The following URI1 variants were observed in gnomAD, a reference collection of about 807,000 sequenced individuals.
URI1 encodes the protein unconventional prefoldin RPB5 interactor 1.
Under a neutral mutation model 60.2 loss-of-function variants are expected in URI1, and 39 were observed. The observed-to-expected ratio is 0.65, with a 90% CI of 0.50 to 0.85. The LOEUF is 0.85. Ranked by LOEUF, URI1 falls within the 40% of genes least tolerant of loss-of-function variation. The probability of loss-of-function intolerance (pLI) is 0.00; values close to 1 mark genes in which losing one functional copy is unlikely to be tolerated. For synonymous variants in URI1, 251 were observed against 236.8 expected (o/e 1.06, Z -0.55); for missense variants, 691 against 665.9 (o/e 1.04, Z -0.42).
At chr19:29,954,838 C>G (rs1288947814) in intron 1 of URI1, among the ~76,000 whole-genome samples, 2 of 151,950 alleles carry the variant, frequency 1.3e-5, no homozygotes, top group South Asian at 2.1e-4. Context: ...TTTACATTCA[C>G]TTTTGACCTG....
At chr19:29,998,571 T>G (rs983639832) in intron 4 of URI1, among the ~76,000 whole-genome samples, 1 of 152,212 alleles carries the variant, frequency 6.6e-6, no homozygotes, top group Non-Finnish European at 1.5e-5. Flanking sequence ...ATCCTTTGTC[T>G]CTTGTGACTT....
At chr19:29,928,346 G>A (rs1252756396) in intron 1 of URI1, among the ~76,000 whole-genome samples, 2 of 152,138 alleles carry the variant, frequency 1.3e-5, no homozygotes, top group Non-Finnish European at 2.9e-5. Context: ...CTCCCAACAT[G>A]CATCCAAGGC....
At chr19:29,939,944 G>A (rs1223726137), upstream of URI1, among the ~76,000 whole-genome samples, 7 of 152,154 alleles carry the variant, frequency 4.6e-5, no homozygotes, top group African/African-American at 1.2e-4. Flanking sequence ...GCTGTGGGAA[G>A]CCATGGAGGG....
chr19:29,948,858 C>T (rs571930654), intron 1 of URI1, among the ~76,000 whole-genome samples: 1 of 152,218 alleles, frequency 6.6e-6, no homozygotes, highest in East Asian at 1.9e-4. Context: ...GTTGGGTACA[C>T]CTGCCACACG....
upstream of URI1, chr19:29,942,167 G>A: frequency 2.1e-6 from 2 of 973,292 alleles, no homozygotes; most frequent in African/African-American, 3.5e-5. Context: ...CTGGGGGCGG[G>A]GCCTGCGCGA....
At chr19:29,944,124 G>A (rs1287676496) in intron 1 of URI1, among the ~76,000 whole-genome samples, 1 of 114,106 alleles carries the variant, frequency 8.8e-6, no homozygotes, top group African/African-American at 3.2e-5. Context: ...GGGCGACAGA[G>A]TGAGACCCTG....
chr19:29,953,960 C>A (rs77897509), intron 1 of URI1, among the ~76,000 whole-genome samples: 45 of 152,056 alleles, frequency 3.0e-4, no homozygotes, highest in African/African-American at 1.0e-3. Context: ...TAGAACTACT[C>A]AAGAAAGAAA....
In URI1 at chr19:30,009,111, C is replaced by CA; in HGVS notation, c.794dup (p.His265GlnfsTer6). 2 of 1,614,008 alleles carry CA rather than the reference C, an allele frequency of 1.2e-6. No individual in the cohort carries two copies. The highest frequency in any genetic ancestry group is 1.7e-6 in the Non-Finnish European group (2 of 1,179,962). Reference sequence around the variant, plus strand: ...TGCGATGCATCAAGTAACAGACTCTCATACTCCTTGTCATAAGGATGTTGC... The same window carrying CA: ...TGCGATGCATCAAGTAACAGACTCTCAATACTCCTTGTCATAAGGATGTTGC... On this transcript the variant is annotated frameshift_variant, in exon 8 of 11. Coordinates refer to ENST00000392271, the MANE Select transcript of URI1 (RefSeq NM_003796.3). LOFTEE classifies it high-confidence loss of function.
intron 1 of URI1, among the ~76,000 whole-genome samples, chr19:29,959,392 T>C (rs1266032461): frequency 1.3e-5 from 2 of 152,232 alleles, no homozygotes; most frequent in Non-Finnish European, 2.9e-5. Flanking sequence ...CTTCCCAAAA[T>C]GATGGACTAC....
chr19:29,971,855 A>C (rs898928773), intron 2 of URI1, among the ~76,000 whole-genome samples: 9 of 152,014 alleles, frequency 5.9e-5, no homozygotes, highest in African/African-American at 1.7e-4. Flanking sequence ...ATAGCTGTTG[A>C]TCTTACAGAT....
In URI1 at chr19:29,990,951, TTATC is replaced by T. The variant is rs1219936348; in HGVS notation, c.367+4538_367+4541del. Among the ~76,000 whole-genome samples the T allele has an allele frequency of 2.0e-5, 3 of 152,232 alleles. No individual in the cohort carries two copies. The East Asian group carries it at 5.8e-4, about 29-fold the overall frequency. On this transcript the variant is annotated intron_variant, in intron 4 of 10. Coordinates refer to ENST00000392271, the MANE Select transcript of URI1 (RefSeq NM_003796.3). ...TTTTTGGACCATCTGTTCTGTTTCT[TTATC>T]TATGTGTCTGTCTCTTTGCTGATGC...
At chr19:29,981,576 T>C (rs2055598368) in intron 2 of URI1, among the ~76,000 whole-genome samples, 1 of 152,196 alleles carries the variant, frequency 6.6e-6, no homozygotes. Flanking sequence ...TAAAGTTTCT[T>C]ACATGCCTTA....
intron 2 of URI1, among the ~76,000 whole-genome samples, chr19:29,976,185 T>C (rs984965506): frequency 5.9e-5 from 9 of 152,204 alleles, no homozygotes; most frequent in Non-Finnish European, 1.2e-4. Flanking sequence ...TAAGATGATA[T>C]ATCTGTTATT....
At chr19:29,924,512 C>T (rs1445035011) in intron 1 of URI1, among the ~76,000 whole-genome samples, 3 of 152,190 alleles carry the variant, frequency 2.0e-5, no homozygotes, top group Non-Finnish European at 4.4e-5. Flanking sequence ...CTCATGACCC[C>T]TTGATTTCTT....
chr19:29,946,944 G>C (rs2055109902), intron 1 of URI1, among the ~76,000 whole-genome samples: 1 of 152,156 alleles, frequency 6.6e-6, no homozygotes, highest in African/African-American at 2.4e-5. Flanking sequence ...GTGTTTGGTA[G>C]GTAAGGCTAA....
At chr19:29,984,757 C>A (rs563450451) in intron 2 of URI1, among the ~76,000 whole-genome samples, 1 of 152,236 alleles carries the variant, frequency 6.6e-6, no homozygotes, top group South Asian at 2.1e-4. Flanking sequence ...ACCTGGCCTA[C>A]TGGGCCTCCC....
intron 1 of URI1, among the ~76,000 whole-genome samples, chr19:29,936,969 C>T (rs1440140090): frequency 2.0e-5 from 3 of 152,156 alleles, no homozygotes. Flanking sequence ...CCAGGCTGAT[C>T]TCAAACTCCT....
intron 2 of URI1, among the ~76,000 whole-genome samples, chr19:29,977,136 CT>C (rs35431095): frequency 1.3e-3 from 181 of 144,770 alleles, no homozygotes; most frequent in Middle Eastern, 3.6e-3. Context: ...TTCTCTCTCT[CT>C]TTTTTTTTTT....
At chr19:30,014,819 G>A (rs2056064792) in intron 10 of URI1, 68 bp from the exon 11 acceptor site, 4 of 1,459,504 alleles carry the variant, frequency 2.7e-6, no homozygotes, top group South Asian at 1.3e-5. Context: ...TGCCAAATGA[G>A]TGAATGGGAA....
Sources: allele counts gnomAD v4.1 joint callset (sites outside exome capture counted in the v4.1 genomes callset), GRCh38; gene constraint gnomAD v4.1.1; transcripts MANE v1.5; gene names NCBI Gene and HGNC (gene_info 2026-07-23, HGNC 2026-07-21).